PAPPA2: variants seen among roughly 807,000 people sequenced by gnomAD.
PAPPA2 encodes pappalysin-2.
A neutral mutation model predicts 176.4 loss-of-function variants in PAPPA2; 86 were observed. The ratio of observed to expected loss-of-function variants is 0.49; its 90% confidence interval spans 0.41 to 0.58. The LOEUF (loss-of-function observed/expected upper bound fraction) is 0.58, where lower values mean the gene tolerates loss of function less well. Ranked by LOEUF, PAPPA2 falls within the 20% of genes least tolerant of loss-of-function variation. The probability of loss-of-function intolerance (pLI) is 0.00; values close to 1 mark genes in which losing one functional copy is unlikely to be tolerated. For synonymous variants in PAPPA2, 809 were observed against 852.2 expected (o/e 0.95, Z 0.88); for missense variants, 2,073 against 2,256.9 (o/e 0.92, Z 1.65).
chr1:176,533,699 C>G (rs1649928123), intron 1 of PAPPA2, among the ~76,000 whole-genome samples: 1 of 152,208 alleles, frequency 6.6e-6, no homozygotes, highest in African/African-American at 2.4e-5. Flanking sequence ...TTGAATGTAC[C>G]TATCACTTGA....
At chr1:176,835,764 C>T (rs938087260) in intron 21 of PAPPA2, among the ~76,000 whole-genome samples, 6 of 152,114 alleles carry the variant, frequency 3.9e-5, no homozygotes, top group African/African-American at 1.4e-4. Context: ...GTGATCCACC[C>T]GCCTCGGCCT....
intron 1 of PAPPA2, among the ~76,000 whole-genome samples, chr1:176,546,642 A>G (rs536076736): frequency 6.6e-6 from 1 of 152,224 alleles, no homozygotes; most frequent in East Asian, 1.9e-4. Flanking sequence ...AAGAGAATGC[A>G]CGACAGTTGA....
rs12028906 is a variant in PAPPA2 at position 176,485,413 on chromosome 1, T to C, written c.-917+21995T>C. 3.7e-4 allele frequency among the ~76,000 whole-genome samples: 57 copies of C among 152,316 alleles called. No homozygotes were observed. The East Asian group carries it at 7.5e-3, about 20-fold the overall frequency. On this transcript the variant is annotated intron_variant, in intron 1 of 22. Transcript: ENST00000367662. ...CCAGCCATATAACTTTTCAGATCTT[T>C]GCACCTATGCTTCCCTGTGCCTAGA...
chr1:176,605,830 A>G (rs1366159647), intron 3 of PAPPA2, among the ~76,000 whole-genome samples: 1 of 152,160 alleles, frequency 6.6e-6, no homozygotes, highest in Non-Finnish European at 1.5e-5. Flanking sequence ...CCCTACTCGG[A>G]GTAGAATGAG....
intron 14 of PAPPA2, among the ~76,000 whole-genome samples, chr1:176,740,531 T>C (rs78856295): frequency 6.6e-6 from 1 of 152,330 alleles, no homozygotes; most frequent in African/African-American, 2.4e-5. Context: ...AAAAACTCAA[T>C]GTTCCTTAAG....
intron 2 of PAPPA2, among the ~76,000 whole-genome samples, chr1:176,573,608 T>G (rs1372408985): frequency 2.0e-5 from 3 of 152,194 alleles, no homozygotes; most frequent in Non-Finnish European, 4.4e-5. Context: ...CTCTCTGTTT[T>G]GGGGGTAATG....
At chr1:176,599,528 ATTTC>A (rs1156296817) in intron 3 of PAPPA2, among the ~76,000 whole-genome samples, 11 of 98,952 alleles carry the variant, frequency 1.1e-4, no homozygotes, top group Admixed American at 5.2e-4. Flanking sequence ...TTTTTTTGAG[ATTTC>A]TTTGAGTCTA....
At chr1:176,525,635 G>A (rs557439547) in intron 1 of PAPPA2, among the ~76,000 whole-genome samples, 2 of 152,124 alleles carry the variant, frequency 1.3e-5, no homozygotes, top group South Asian at 4.2e-4. Flanking sequence ...TATACAGACA[G>A]GTTTGAAAAA....
At chr1:176,715,718 G>A (rs767440851) in intron 12 of PAPPA2, among the ~76,000 whole-genome samples, 14 of 152,148 alleles carry the variant, frequency 9.2e-5, no homozygotes, top group Admixed American at 2.6e-4. Context: ...GAGCAATGAC[G>A]TTGATTCTGG....
chr1:176,550,938 A>G (rs1650911333), intron 1 of PAPPA2, among the ~76,000 whole-genome samples: 1 of 152,184 alleles, frequency 6.6e-6, no homozygotes. Flanking sequence ...CTGCCTTCCC[A>G]TCCAATTGAC....
intron 4 of PAPPA2, among the ~76,000 whole-genome samples, chr1:176,674,455 C>A (rs1659177073): frequency 6.6e-6 from 1 of 152,026 alleles, no homozygotes; most frequent in South Asian, 2.1e-4. Flanking sequence ...TTGTATCATT[C>A]TTATGTCTTT....
chr1:176,528,732 C>A (rs1232838882), intron 1 of PAPPA2, among the ~76,000 whole-genome samples: 1 of 152,214 alleles, frequency 6.6e-6, no homozygotes, highest in African/African-American at 2.4e-5. Context: ...TCAGCCCTAA[C>A]CTATCTTCTC....
intron 3 of PAPPA2, among the ~76,000 whole-genome samples, chr1:176,665,653 G>A (rs1658599599): frequency 6.6e-6 from 1 of 152,154 alleles, no homozygotes; most frequent in Admixed American, 6.5e-5. Flanking sequence ...ATTAGGTAGA[G>A]GACAAAATGC....
At chr1:176,551,696 ACAT>A (rs1650960925) in intron 1 of PAPPA2, among the ~76,000 whole-genome samples, 1 of 152,196 alleles carries the variant, frequency 6.6e-6, no homozygotes. Flanking sequence ...CTTAAAGGAA[ACAT>A]CATATAATTT....
At chr1:176,814,766 A>G (rs1666309268) in intron 21 of PAPPA2, among the ~76,000 whole-genome samples, 1 of 152,204 alleles carries the variant, frequency 6.6e-6, no homozygotes, top group Non-Finnish European at 1.5e-5. Flanking sequence ...CTATTTGAAT[A>G]TGCTTTATTT....
intron 1 of PAPPA2, among the ~76,000 whole-genome samples, chr1:176,516,540 A>G (rs1275668184): frequency 1.3e-5 from 2 of 152,188 alleles, no homozygotes; most frequent in Admixed American, 6.6e-5. Flanking sequence ...TGATTGGGTT[A>G]TAAGTGCTCT....
At chr1:176,765,573 T>A in intron 14 of PAPPA2, 93 bp from the exon 15 acceptor site, 1 of 1,267,832 alleles carries the variant, frequency 7.9e-7, no homozygotes, top group Non-Finnish European at 1.1e-6. Context: ...TTCTCTCTGG[T>A]TTAGGAGCCC....
At chr1:176,518,467 AAAC>A (rs1285888359) in intron 1 of PAPPA2, among the ~76,000 whole-genome samples, 2 of 151,448 alleles carry the variant, frequency 1.3e-5, no homozygotes, top group East Asian at 4.1e-4. Context: ...AAAAAAAAAA[AAAC>A]AAACAAACTT....
intron 3 of PAPPA2, chr1:176,616,579 C>CAAA (rs1252001924): frequency 1.3e-6 from 2 of 1,537,130 alleles, no homozygotes; most frequent in Admixed American, 1.7e-5. Flanking sequence ...GCACCATCAC[C>CAAA]AAAAGGCCAA....
Sources: gnomAD v4.1 joint callset for allele counts (sites outside exome capture counted in the v4.1 genomes callset) on GRCh38, gnomAD v4.1.1 for gene constraint, MANE v1.5 for transcripts, NCBI Gene and HGNC (gene_info 2026-07-23, HGNC 2026-07-21) for gene names.